The following LRIG1 variants were observed in gnomAD, a reference collection of about 807,000 sequenced individuals.
LRIG1 encodes the protein leucine rich repeats and immunoglobulin like domains 1, also known as leucine-rich repeats and immunoglobulin-like domains protein 1.
LRIG1 carries 48 observed loss-of-function variants against 99.2 expected under a neutral mutation model. That is an observed-to-expected ratio of 0.48 (90% confidence interval 0.38 to 0.62). The LOEUF is 0.62. LRIG1 is among the 20% of genes least tolerant of loss of function. LRIG1 has a pLI of 0.00. For missense variants in LRIG1, 1,646 were observed against 1,434.4 expected (o/e 1.15, Z -2.38); for synonymous variants, 772 against 596.1 (o/e 1.29, Z -4.30).
chr3:66,472,381 C>T (rs1042123221), intron 1 of LRIG1, among the ~76,000 whole-genome samples: 2 of 149,910 alleles, frequency 1.3e-5, no homozygotes, highest in Non-Finnish European at 2.9e-5. Flanking sequence ...ACAAGGAAAG[C>T]TTCTTCGACT....
chr3:66,449,997 A>T (rs1703849128), intron 3 of LRIG1, among the ~76,000 whole-genome samples: 1 of 152,258 alleles, frequency 6.6e-6, no homozygotes, highest in Non-Finnish European at 1.5e-5. Flanking sequence ...TTTAAGCAGC[A>T]AGGAGCTCCT....
chr3:66,407,996 G>A (rs1702334517), intron 7 of LRIG1, among the ~76,000 whole-genome samples: 1 of 152,168 alleles, frequency 6.6e-6, no homozygotes, highest in South Asian at 2.1e-4. Flanking sequence ...ATGCCTTAGT[G>A]GGGCAACTCC....
chr3:66,500,098 C>T (rs1701321801), intron 1 of LRIG1, 92 bp downstream of exon 1: 1 of 1,009,276 alleles, frequency 9.9e-7, no homozygotes, highest in African/African-American at 1.7e-5. Flanking sequence ...ACAACCCAGT[C>T]CGCACCCCCT....
chr3:66,396,631 G>A (rs1003963582), intron 11 of LRIG1, among the ~76,000 whole-genome samples: 7 of 152,226 alleles, frequency 4.6e-5, no homozygotes, highest in African/African-American at 1.4e-4. Context: ...GCAGAAGCAC[G>A]CTGGAGGTCC....
chr3:66,417,652 C>A (rs527684215), intron 3 of LRIG1: 1 of 185,918 alleles, frequency 5.4e-6, no homozygotes, highest in South Asian at 1.2e-4. Context: ...ATCCTCAGAC[C>A]TAGTCCAGCC....
At chr3:66,414,372 G>A (rs1302046818) in intron 5 of LRIG1, among the ~76,000 whole-genome samples, 4 of 151,806 alleles carry the variant, frequency 2.6e-5, no homozygotes, top group Non-Finnish European at 5.9e-5. Flanking sequence ...ACCCCACCTG[G>A]GGGACAGAGC....
At chr3:66,460,028 A>G (rs1559810197) in intron 2 of LRIG1, among the ~76,000 whole-genome samples, 1 of 151,968 alleles carries the variant, frequency 6.6e-6, no homozygotes, top group African/African-American at 2.4e-5. Flanking sequence ...GTATCAAAAT[A>G]CCCTTTATCT....
chr3:66,448,982 AAG>A (rs1703813610), intron 3 of LRIG1, among the ~76,000 whole-genome samples: 1 of 152,246 alleles, frequency 6.6e-6, no homozygotes, highest in Non-Finnish European at 1.5e-5. Flanking sequence ...TCCGAAAAGT[AAG>A]AGACACATCA....
chr3:66,418,734 C>G (rs1702702083), intron 3 of LRIG1, among the ~76,000 whole-genome samples: 1 of 152,218 alleles, frequency 6.6e-6, no homozygotes, highest in South Asian at 2.1e-4. Context: ...TAAACAAACA[C>G]TTGACCGAAT....
Position 66,398,976 on chromosome 3 carries a change from T to C in LRIG1, c.1226A>G (p.Glu409Gly). Residue 409 changes from glutamate to glycine, a missense_variant, in exon 10 of 19, where the codon GAG becomes GGG. By Grantham distance (98) the Glu-to-Gly change is moderately conservative. Coordinates refer to ENST00000273261, the MANE Select transcript of LRIG1 (RefSeq NM_015541.3). ...GGGCTGGTGAGATACTCACAGGTGC[T>C]CCAGGCCTTCCAGCCCCGAGAATGC... is the stretch of plus-strand genomic sequence containing the variant. ...KRAFSGLEGL[E>G]HLNLGGNAIR... The C allele has an allele frequency of 6.2e-7, 1 of 1,614,124 alleles. No individual in the cohort carries two copies. The highest frequency in any genetic ancestry group is 8.5e-7 in the Non-Finnish European group (1 of 1,179,960).
At chr3:66,396,832 T>C (rs1207549969) in intron 11 of LRIG1, among the ~76,000 whole-genome samples, 2 of 152,238 alleles carry the variant, frequency 1.3e-5, no homozygotes, top group Non-Finnish European at 2.9e-5. Flanking sequence ...GCCCCACCGC[T>C]TGTCTTCTAC....
At chr3:66,410,096 A>C in intron 7 of LRIG1, 33 bp downstream of exon 7, 1 of 1,582,662 alleles carries the variant, frequency 6.3e-7, no homozygotes, top group Non-Finnish European at 8.6e-7. Context: ...GTGTCTAAAA[A>C]CACTGCCACA....
chr3:66,421,596 A>G (rs1444486987), intron 3 of LRIG1, among the ~76,000 whole-genome samples: 1 of 152,110 alleles, frequency 6.6e-6, no homozygotes, highest in Non-Finnish European at 1.5e-5. Flanking sequence ...AGCTGCTTTC[A>G]CAGGCTGGCG....
At chr3:66,409,302 T>C (rs758536159) in intron 7 of LRIG1, among the ~76,000 whole-genome samples, 43 of 152,294 alleles carry the variant, frequency 2.8e-4, no homozygotes, top group Non-Finnish European at 4.7e-4. Context: ...ACACAAACTA[T>C]AGACTTGTAA....
intron 3 of LRIG1, among the ~76,000 whole-genome samples, chr3:66,423,749 T>C (rs543376464): frequency 1.6e-4 from 25 of 152,294 alleles, no homozygotes; most frequent in African/African-American, 4.8e-4. Flanking sequence ...CTTGAGTGTC[T>C]TCCTGCCCAG....
chr3:66,493,899 GA>G (rs982150874), intron 1 of LRIG1, among the ~76,000 whole-genome samples: 10 of 143,358 alleles, frequency 7.0e-5, no homozygotes, highest in Admixed American at 1.4e-4. Flanking sequence ...GGGAAAGAAG[GA>G]AAAAAAGAAA....
Position 66,399,013 on chromosome 3 carries a change from C to T in LRIG1, c.1189G>A (p.Val397Met). 8 of 1,614,208 alleles carry T rather than the reference C, an allele frequency of 5.0e-6. No homozygotes were observed. The highest frequency in any genetic ancestry group is 5.9e-6 in the Non-Finnish European group (7 of 1,180,032). Residue 397 changes from valine (V) to methionine (M), a missense_variant, in exon 10 of 19, where the codon GTG (valine) becomes ATG (methionine). By Grantham distance (21) the Val-to-Met change is conservative. Transcript: ENST00000273261. The part of the protein sequence containing the change: ...LTLFGNKIKS[V>M]AKRAFSGLEG... Reference sequence around the variant, plus strand: ...AGCCCCGAGAATGCTCTCTTAGCCACAGACTTGATCTTGTTTCCAAACAGA... The same window carrying T: ...AGCCCCGAGAATGCTCTCTTAGCCATAGACTTGATCTTGTTTCCAAACAGA...
chr3:66,405,315 G>C (rs760888604), intron 8 of LRIG1, 37 bp from the exon 9 acceptor site: 1 of 1,524,104 alleles, frequency 6.6e-7, no homozygotes, highest in Admixed American at 1.7e-5. Context: ...CCGAGCAGTC[G>C]GGGCGTGAAG....
intron 1 of LRIG1, among the ~76,000 whole-genome samples, chr3:66,489,327 C>G (rs1701047306): frequency 1.3e-5 from 2 of 152,116 alleles, no homozygotes; most frequent in South Asian, 4.1e-4. Flanking sequence ...AGATCAAGAC[C>G]AGTCTGGGCA....
Sources: allele counts gnomAD v4.1 joint callset (sites outside exome capture counted in the v4.1 genomes callset), GRCh38; gene constraint gnomAD v4.1.1; transcripts MANE v1.5; gene names NCBI Gene and HGNC (gene_info 2026-07-23, HGNC 2026-07-21).